MCMBP: variants seen among roughly 807,000 people sequenced by gnomAD.
MCMBP encodes mini-chromosome maintenance complex-binding protein.
Under a neutral mutation model 81.3 loss-of-function variants are expected in MCMBP, and 31 were observed. That is an observed-to-expected ratio of 0.38 (90% CI 0.29 to 0.51). MCMBP has a LOEUF of 0.51. Among genes scored for constraint, MCMBP ranks in the 20% least tolerant of loss-of-function variants. The probability of loss-of-function intolerance (pLI) is 0.87; values close to 1 mark genes in which losing one functional copy is unlikely to be tolerated. For missense variants in MCMBP, 645 were observed against 772.1 expected, an observed-to-expected ratio of 0.84 and a Z score of 1.95; for synonymous variants, 267 against 275.9, an observed-to-expected ratio of 0.97 and a Z score of 0.32.
intron 8 of MCMBP, among the ~76,000 whole-genome samples, chr10:119,844,498 C>T (rs1391958686): frequency 1.3e-5 from 2 of 152,124 alleles, no homozygotes. Context: ...GAAACCAAGC[C>T]CAAGGTGACA....
chr10:119,872,878 C>G (rs1011944092), upstream of MCMBP: 3 of 154,094 alleles, frequency 1.9e-5, no homozygotes, highest in African/African-American at 7.2e-5. Flanking sequence ...GCGCTGCCTG[C>G]GACCTGGGTG....
chr10:119,871,127 C>A (rs993440684), intron 1 of MCMBP, among the ~76,000 whole-genome samples: 14 of 152,026 alleles, frequency 9.2e-5, no homozygotes, highest in African/African-American at 3.4e-4. Context: ...CTTTAAGCAC[C>A]AAACCTTTTT....
At position 119,831,282 on chromosome 10, in the gene MCMBP, T is replaced by C. The variant is rs879310513; in HGVS notation, c.*192A>G. The C allele has an allele frequency of 2.4e-6, 1 of 421,704 alleles. No homozygotes were observed. Among genetic ancestry groups the C allele is most frequent in the Admixed American group, 4.2e-5 (1 of 23,974 alleles). The allele number at this position is 421,704 out of a possible 1,614,324, so 26.1% of individuals were successfully genotyped here. A position where few individuals can be genotyped will look rare whatever the true frequency, so the allele number is the denominator to read the frequency against. Reference sequence around the variant, plus strand: ...TTATTATAAAACAAACTTCAAAAGCTCCATGAAATCAGTAAGGTAAAAGTC... The same window carrying C: ...TTATTATAAAACAAACTTCAAAAGCCCCATGAAATCAGTAAGGTAAAAGTC... On this transcript the variant is annotated 3_prime_UTR_variant, in exon 16 of 16. Coordinates refer to ENST00000369077, the MANE Select transcript of MCMBP (RefSeq NM_001256378.2).
chr10:119,852,875 T>C (rs1235947276), intron 6 of MCMBP, among the ~76,000 whole-genome samples, 175 bp downstream of exon 6: 1 of 152,264 alleles, frequency 6.6e-6, no homozygotes, highest in Non-Finnish European at 1.5e-5. Context: ...TGATGCCTAA[T>C]TGCTCATTTG....
intron 1 of MCMBP, among the ~76,000 whole-genome samples, chr10:119,867,225 A>G (rs2984243): frequency 0.72 from 103,054 of 143,818 alleles, 36,743 homozygotes; most frequent in East Asian, 0.82. Flanking sequence ...CCTGGGAGGG[A>G]GAGGTTGCAG....
chr10:119,865,796 C>G lies in MCMBP; in HGVS notation c.59-5912G>C, dbSNP rs574130671. On this transcript the variant is annotated intron_variant, in intron 1 of 15. Coordinates refer to ENST00000369077, the MANE Select transcript of MCMBP (RefSeq NM_001256378.2). ...TTTCAGCCATAAAAAGGAATGCAGA[C>G]TGGGTACAGTGGCTCACATCTGTAA... Among the ~76,000 whole-genome samples the G allele has an allele frequency of 4.6e-5, 7 of 152,052 alleles. No homozygotes were observed. In the South Asian group the frequency reaches 1.2e-3, roughly 27 times the overall value.
intron 1 of MCMBP, 88 bp from the exon 2 acceptor site, chr10:119,859,972 C>A: frequency 1.1e-6 from 1 of 940,238 alleles, no homozygotes; most frequent in South Asian, 1.6e-5. Context: ...ATAGTTTAGT[C>A]AGCAAAAAAC....
chr10:119,843,555 A>T (rs534603714), intron 8 of MCMBP, 129 bp from the exon 9 acceptor site: 6 of 837,446 alleles, frequency 7.2e-6, no homozygotes, highest in Non-Finnish European at 1.1e-5. Flanking sequence ...CTCCTTAAAG[A>T]ACAGAAAGTG....
intron 1 of MCMBP, among the ~76,000 whole-genome samples, chr10:119,868,721 A>C (rs1853560522): frequency 6.6e-6 from 1 of 152,210 alleles, no homozygotes; most frequent in Non-Finnish European, 1.5e-5. Flanking sequence ...CTGCAGTAAC[A>C]TGGAGCAGGG....
chr10:119,859,651 G>T (rs1050421819), intron 2 of MCMBP, 148 bp downstream of exon 2: 6 of 559,976 alleles, frequency 1.1e-5, no homozygotes, highest in Non-Finnish European at 1.8e-5. Context: ...ATTAGCAAAA[G>T]ACCAAAATCT....
At position 119,829,555 on chromosome 10, in the gene MCMBP, A is replaced by G. The variant is rs899887066; in HGVS notation, c.*1919T>C. On this transcript the variant is annotated 3_prime_UTR_variant, in exon 16 of 16. Coordinates refer to ENST00000369077, the MANE Select transcript of MCMBP (RefSeq NM_001256378.2). ...CAGGATTAACGCTGTGCCTTACGTTAGAGCAACAAACTTGACTGTCCGTGT... is the reference window on the plus strand; with the variant it reads ...CAGGATTAACGCTGTGCCTTACGTTGGAGCAACAAACTTGACTGTCCGTGT... 6.6e-6 allele frequency: 1 copy of G among 152,252 alleles called. No individual in the cohort carries two copies. Among genetic ancestry groups the G allele is most frequent in the Admixed American group, 6.5e-5 (1 of 15,278 alleles). 9.4% of individuals were successfully genotyped at this position (152,252 alleles called of 1,614,324 possible).
chr10:119,846,570 T>A (rs1206842476), intron 8 of MCMBP, among the ~76,000 whole-genome samples: 1 of 152,204 alleles, frequency 6.6e-6, no homozygotes, highest in Non-Finnish European at 1.5e-5. Flanking sequence ...AGAAGAGACA[T>A]CTGGAAGTCA....
chr10:119,871,789 GT>G (rs1270131950), intron 1 of MCMBP, among the ~76,000 whole-genome samples: 2 of 152,210 alleles, frequency 1.3e-5, no homozygotes, highest in Non-Finnish European at 2.9e-5. Context: ...AAAATGCCCA[GT>G]TAACGACAAC....
intron 1 of MCMBP, among the ~76,000 whole-genome samples, chr10:119,868,294 T>G (rs1305543708): frequency 6.6e-6 from 1 of 152,078 alleles, no homozygotes; most frequent in African/African-American, 2.4e-5. Context: ...GGCATGGTGG[T>G]GCACACTTTT....
At chr10:119,833,476 CAAA>C (rs570174141) in intron 14 of MCMBP, among the ~76,000 whole-genome samples, 1 of 85,138 alleles carries the variant, frequency 1.2e-5, no homozygotes, top group Non-Finnish European at 2.6e-5. Context: ...CTCATCACTA[CAAA>C]AAAAAAAAGA....
intron 7 of MCMBP, 97 bp downstream of exon 7, chr10:119,849,328 A>G (rs1852727997): frequency 7.8e-7 from 1 of 1,277,478 alleles, no homozygotes; most frequent in African/African-American, 1.5e-5. Context: ...TGCTATAGCT[A>G]GCCCAGCACA....
chr10:119,846,302 T>G (rs1852618830), intron 8 of MCMBP, among the ~76,000 whole-genome samples: 1 of 152,204 alleles, frequency 6.6e-6, no homozygotes, highest in Non-Finnish European at 1.5e-5. Flanking sequence ...AAAATCAGAA[T>G]CTATTAGTCT....
At chr10:119,837,354 G>A (rs940392529) in intron 12 of MCMBP, among the ~76,000 whole-genome samples, 7 of 152,006 alleles carry the variant, frequency 4.6e-5, no homozygotes, top group East Asian at 3.9e-4. Context: ...TAAAACTACC[G>A]TCATACATAG....
rs1852305453 is a variant in MCMBP, at chr10:119,838,023, C to A, written c.1408+512G>T. Among the ~76,000 whole-genome samples the A allele has an allele frequency of 2.0e-5, 3 of 151,746 alleles. No homozygotes were observed. In the Middle Eastern group the frequency reaches 0.01, roughly 516 times the overall value. ...CTGTCTCTACCATTCCTTACACTCA[C>A]TGAAAAAAAAATTTTAGGTTATATA... is the stretch of plus-strand genomic sequence containing the variant. On this transcript the variant is annotated intron_variant, in intron 12 of 15. Transcript: ENST00000369077.
Sources: gnomAD v4.1 joint callset for allele counts (sites outside exome capture counted in the v4.1 genomes callset) on GRCh38, gnomAD v4.1.1 for gene constraint, MANE v1.5 for transcripts, NCBI Gene and HGNC (gene_info 2026-07-23, HGNC 2026-07-21) for gene names.